ZBTB7C: variants seen among roughly 807,000 people sequenced by gnomAD.
ZBTB7C encodes zinc finger and BTB domain-containing protein 7C.
A neutral mutation model predicts 25.7 loss-of-function variants in ZBTB7C; 8 were observed. The observed-to-expected ratio is 0.31, with a 90% CI of 0.18 to 0.56. The LOEUF is 0.56. ZBTB7C is among the 20% of genes least tolerant of loss of function. The pLI, the probability that ZBTB7C is intolerant of heterozygous loss-of-function variation, is 0.91. For synonymous variants in ZBTB7C, 394 were observed against 369.0 expected (o/e 1.07, Z -0.78); for missense variants, 824 against 855.2 (o/e 0.96, Z 0.46).
upstream of ZBTB7C, among the ~76,000 whole-genome samples, chr18:48,409,688 C>T (rs1199706900): frequency 5.3e-5 from 8 of 152,004 alleles, no homozygotes; most frequent in Non-Finnish European, 1.2e-4. Flanking sequence ...GCGGGGGGCG[C>T]CCGGGACTGG....
chr18:48,053,467 T>C (rs1403460232), intron 3 of ZBTB7C, among the ~76,000 whole-genome samples: 3 of 152,230 alleles, frequency 2.0e-5, no homozygotes, highest in African/African-American at 7.2e-5. Context: ...TGGGTGCCCA[T>C]TAGGTACCAG....
In ZBTB7C at chr18:48,029,417, C is replaced by T. The variant is rs1420455870; in HGVS notation, c.1703G>A (p.Arg568Lys). The T allele has an allele frequency of 6.3e-7, 1 of 1,581,934 alleles. No individual in the cohort carries two copies. Among genetic ancestry groups the T allele is most frequent in the Admixed American group, 1.7e-5 (1 of 57,814 alleles). The stretch of plus-strand genomic sequence containing the variant: ...GAAGGCCAGGAGGCCCCCCGCGTTC[C>T]TCTCAGCCTCCAGCTGCGCGCGCCC... ...LFGRAQLEAE[R>K]NAGGLLAFAL... Residue 568 changes from arginine (R) to lysine (K), a missense_variant, in exon 5 of 5, where the codon AGG becomes AAG. Arg to Lys is a conservative substitution (Grantham distance 26). Around this residue, in one of 4 missense-constraint regions of ZBTB7C, gnomAD observed 342 missense variants for 307.0 expected, o/e 1.11. Transcript: ENST00000590800.
intron 2 of ZBTB7C, among the ~76,000 whole-genome samples, chr18:48,330,133 G>A (rs2046310809): frequency 2.0e-5 from 3 of 152,302 alleles, no homozygotes; most frequent in African/African-American, 4.8e-5. Flanking sequence ...TAGCTTATGC[G>A]TAGCCTTCTA....
intron 3 of ZBTB7C, among the ~76,000 whole-genome samples, chr18:48,167,054 A>C (rs1282263001): frequency 6.6e-6 from 1 of 152,036 alleles, no homozygotes; most frequent in Non-Finnish European, 1.5e-5. Context: ...CCTTCTACCC[A>C]AGCTGTCTGT....
At chr18:48,361,228 A>G (rs2145099903) in intron 1 of ZBTB7C, among the ~76,000 whole-genome samples, 1 of 152,298 alleles carries the variant, frequency 6.6e-6, no homozygotes, top group Admixed American at 6.5e-5. Flanking sequence ...CGCTTTATGC[A>G]ATATTTTCAT....
chr18:48,374,888 A>G (rs61506912), intron 1 of ZBTB7C, among the ~76,000 whole-genome samples: 49,172 of 151,950 alleles, frequency 0.32, 8,381 homozygotes, highest in Non-Finnish European at 0.38. Context: ...ACCCCGGCAG[A>G]CAGCCGGCAG....
chr18:48,343,697 C>T (rs750773877), intron 1 of ZBTB7C, among the ~76,000 whole-genome samples: 17 of 152,172 alleles, frequency 1.1e-4, no homozygotes, highest in African/African-American at 1.7e-4. Flanking sequence ...GTGCTGCCCA[C>T]GCCCACACTC....
At chr18:48,261,647 C>T (rs2044174966) in intron 2 of ZBTB7C, among the ~76,000 whole-genome samples, 1 of 152,220 alleles carries the variant, frequency 6.6e-6, no homozygotes, top group African/African-American at 2.4e-5. Context: ...TGAGTCACTC[C>T]ATGCATCACA....
intron 2 of ZBTB7C, among the ~76,000 whole-genome samples, chr18:48,245,730 A>G (rs531579785): frequency 6.6e-6 from 1 of 152,290 alleles, no homozygotes; most frequent in South Asian, 2.1e-4. Flanking sequence ...CTAGAATGCT[A>G]GAGCCGGTTG....
At chr18:48,361,026 A>T (rs180965320) in intron 1 of ZBTB7C, among the ~76,000 whole-genome samples, 23 of 152,100 alleles carry the variant, frequency 1.5e-4, no homozygotes, top group Admixed American at 1.0e-3. Flanking sequence ...AGGGAGATGG[A>T]ATTTGAAGAT....
At chr18:48,253,464 A>C (rs986375376) in intron 2 of ZBTB7C, among the ~76,000 whole-genome samples, 1 of 152,174 alleles carries the variant, frequency 6.6e-6, no homozygotes, top group African/African-American at 2.4e-5. Context: ...GAGAGATGAG[A>C]AAAACTAATG....
intron 4 of ZBTB7C, among the ~76,000 whole-genome samples, chr18:48,030,508 C>T (rs1270668968): frequency 6.6e-6 from 1 of 152,234 alleles, no homozygotes; most frequent in Non-Finnish European, 1.5e-5. Flanking sequence ...TTGGGCTCTC[C>T]TCTTTGTCTG....
At chr18:48,395,089 G>T (rs1043426473) in intron 1 of ZBTB7C, among the ~76,000 whole-genome samples, 4 of 152,004 alleles carry the variant, frequency 2.6e-5, no homozygotes, top group Non-Finnish European at 4.4e-5. Flanking sequence ...AGGGAAGAGT[G>T]CCTGCTGATT....
intron 2 of ZBTB7C, among the ~76,000 whole-genome samples, chr18:48,229,885 C>T (rs1342364747): frequency 6.6e-6 from 1 of 152,084 alleles, no homozygotes; most frequent in Non-Finnish European, 1.5e-5. Flanking sequence ...TTTTGGCCTC[C>T]ACGTGGTGGG....
At position 48,227,038 on chromosome 18, in the gene ZBTB7C, A is replaced by G. The variant is rs867514260; in HGVS notation, c.-78-41043T>C. ...CCATCTCAAAAAAAAAAAAAAAAAAAGAAAAAGAAAAAGAAAAAAAAAAGA... is the reference window on the plus strand; with the variant it reads ...CCATCTCAAAAAAAAAAAAAAAAAAGGAAAAAGAAAAAGAAAAAAAAAAGA... On this transcript the variant is annotated intron_variant, in intron 2 of 4. Transcript: ENST00000590800. Among the ~76,000 whole-genome samples, 1,039 of 147,644 alleles carry G rather than the reference A, an allele frequency of 7.0e-3. 17 individuals are homozygous for G. The highest frequency in any genetic ancestry group is 0.023 in the African/African-American group (922 of 39,720).
At chr18:48,153,680 G>GCCACTGC (rs1266815402) in intron 3 of ZBTB7C, among the ~76,000 whole-genome samples, 1 of 152,246 alleles carries the variant, frequency 6.6e-6, no homozygotes, top group Non-Finnish European at 1.5e-5. Flanking sequence ...CTGGCCACTG[G>GCCACTGC]CCATAGGACT....
chr18:48,338,920 G>GC (rs1568385168), intron 1 of ZBTB7C, among the ~76,000 whole-genome samples: 1 of 151,814 alleles, frequency 6.6e-6, no homozygotes, highest in Non-Finnish European at 1.5e-5. Context: ...TTGGGGGGGG[G>GC]GGGTCCAGGT....
intron 3 of ZBTB7C, chr18:48,137,098 C>A: frequency 1.0e-6 from 1 of 985,448 alleles, no homozygotes; most frequent in Non-Finnish European, 1.2e-6. Flanking sequence ...CCGCGCTGCT[C>A]GCGGGAGCCT....
intron 3 of ZBTB7C, among the ~76,000 whole-genome samples, chr18:48,163,103 AT>A (rs929631184): frequency 1.2e-4 from 18 of 152,218 alleles, no homozygotes; most frequent in African/African-American, 3.6e-4. Context: ...GGGCGCTGGA[AT>A]GACTGATGTC....
Sources: gnomAD v4.1 joint callset for allele counts (sites outside exome capture counted in the v4.1 genomes callset) on GRCh38, gnomAD v4.1.1 for gene constraint, gnomAD v4.1.1 regional missense constraint, MANE v1.5 for transcripts, NCBI Gene and HGNC (gene_info 2026-07-23, HGNC 2026-07-21) for gene names.